The following SLC4A4 variants were observed in gnomAD, a reference collection of about 807,000 sequenced individuals.
SLC4A4 encodes the protein electrogenic sodium bicarbonate cotransporter 1.
Under a neutral mutation model 111.5 loss-of-function variants are expected in SLC4A4, and 27 were observed. That is an observed-to-expected ratio of 0.24 (90% CI 0.18 to 0.33). The LOEUF (loss-of-function observed/expected upper bound fraction) is 0.33. SLC4A4 is among the 10% of genes least tolerant of loss of function. SLC4A4 has a pLI of 1.00. For missense variants in SLC4A4, 909 were observed against 1,315.5 expected, an observed-to-expected ratio of 0.69 and a Z score of 4.78; for synonymous variants, 443 against 463.4, an observed-to-expected ratio of 0.96 and a Z score of 0.57.
At chr4:71,228,815 AT>A (rs1719215684) in intron 1 of SLC4A4, among the ~76,000 whole-genome samples, 1 of 152,200 alleles carries the variant, frequency 6.6e-6, no homozygotes, top group African/African-American at 2.4e-5. Flanking sequence ...ACTTTGCCAG[AT>A]TTTCCCAAGG....
chr4:71,248,959 G>A (rs1249079243), intron 2 of SLC4A4, among the ~76,000 whole-genome samples: 2 of 152,152 alleles, frequency 1.3e-5, no homozygotes, highest in Non-Finnish European at 2.9e-5. Context: ...TCTCCTTTGA[G>A]ACCTTTTATT....
chr4:71,437,731 C>G (rs988909590), intron 7 of SLC4A4: 4 of 317,356 alleles, frequency 1.3e-5, no homozygotes, highest in Admixed American at 3.4e-5. Flanking sequence ...ATGAGCGGCC[C>G]CCTCCAAAGT....
chr4:71,157,084 A>G (rs920861245), intron 2 of SLC4A4, among the ~76,000 whole-genome samples: 4 of 152,288 alleles, frequency 2.6e-5, no homozygotes, highest in African/African-American at 9.6e-5. Context: ...TTATTCCTTA[A>G]TCTGTGAATG....
At position 71,523,462 on chromosome 4, in the gene SLC4A4, A is replaced by G. The variant is rs1733138073; in HGVS notation, c.2167-8600A>G. On this transcript the variant is annotated intron_variant, in intron 16 of 25. Transcript: ENST00000264485. Reference sequence around the variant, plus strand: ...CTTCAGTTCTTACAGACATATGACCAAAAATAAAAACACAGTCGACCTGAA... The same window carrying G: ...CTTCAGTTCTTACAGACATATGACCGAAAATAAAAACACAGTCGACCTGAA... Among the ~76,000 whole-genome samples the G allele has an allele frequency of 4.6e-5, 7 of 152,332 alleles. No homozygotes were observed. In the South Asian group the frequency reaches 1.5e-3, roughly 32 times the overall value.
At chr4:71,108,667 A>G (rs905631344) in intron 2 of SLC4A4, among the ~76,000 whole-genome samples, 1 of 152,008 alleles carries the variant, frequency 6.6e-6, no homozygotes, top group Non-Finnish European at 1.5e-5. Context: ...TTGGATGTTT[A>G]TATTCATATA....
chr4:71,260,099 A>G (rs1012448311), intron 3 of SLC4A4, among the ~76,000 whole-genome samples: 2 of 152,122 alleles, frequency 1.3e-5, no homozygotes, highest in East Asian at 3.9e-4. Flanking sequence ...ATGCTAGTGA[A>G]CATTGTTCTG....
At chr4:71,200,182 G>C (rs1026901427) in intron 1 of SLC4A4, among the ~76,000 whole-genome samples, 29 of 152,178 alleles carry the variant, frequency 1.9e-4, no homozygotes, top group Non-Finnish European at 7.3e-5. Flanking sequence ...TGCAGGGTCT[G>C]TGGAATCAAG....
chr4:71,479,449 A>G (rs1728673296), intron 14 of SLC4A4, among the ~76,000 whole-genome samples: 1 of 151,790 alleles, frequency 6.6e-6, no homozygotes, highest in Non-Finnish European at 1.5e-5. Flanking sequence ...ACAATATGTT[A>G]TAGCCATTCA....
At chr4:71,252,189 A>T (rs1350193985) in intron 2 of SLC4A4, among the ~76,000 whole-genome samples, 1 of 152,198 alleles carries the variant, frequency 6.6e-6, no homozygotes, top group Non-Finnish European at 1.5e-5. Context: ...GATCATGATG[A>T]CAGATATTCT....
intron 1 of SLC4A4, among the ~76,000 whole-genome samples, chr4:71,213,299 A>T (rs532245881): frequency 6.6e-6 from 1 of 152,254 alleles, no homozygotes; most frequent in Admixed American, 6.5e-5. Flanking sequence ...ATAATGCTGG[A>T]TTTTACCTCA....
intron 7 of SLC4A4, among the ~76,000 whole-genome samples, chr4:71,405,976 G>C (rs1014768976): frequency 1.7e-5 from 2 of 121,026 alleles, no homozygotes; most frequent in Non-Finnish European, 3.5e-5. Flanking sequence ...AGATGTTGCT[G>C]TTCCCAGCTC....
chr4:71,133,212 C>A (rs535514395), intron 2 of SLC4A4, among the ~76,000 whole-genome samples: 1 of 152,248 alleles, frequency 6.6e-6, no homozygotes, highest in Non-Finnish European at 1.5e-5. Flanking sequence ...ACATGGGAAC[C>A]ATTAAGACAT....
intron 1 of SLC4A4, among the ~76,000 whole-genome samples, chr4:71,191,134 T>C (rs1226709869): frequency 6.6e-6 from 1 of 152,242 alleles, no homozygotes; most frequent in Non-Finnish European, 1.5e-5. Flanking sequence ...ACATTTAAGG[T>C]AGGTTAGGCT....
At chr4:71,304,538 A>T (rs2148845399) in intron 3 of SLC4A4, among the ~76,000 whole-genome samples, 1 of 152,320 alleles carries the variant, frequency 6.6e-6, no homozygotes, top group Admixed American at 6.5e-5. Context: ...TCAAATGCTG[A>T]TCTCGTTCAG....
chr4:71,237,324 A>G (rs1374135720), intron 2 of SLC4A4, among the ~76,000 whole-genome samples: 1 of 152,154 alleles, frequency 6.6e-6, no homozygotes, highest in Non-Finnish European at 1.5e-5. Flanking sequence ...TATTTATTTG[A>G]TAGAAGGCAA....
At position 71,325,398 on chromosome 4, in the gene SLC4A4, A is replaced by AT. The variant is rs1254101964; in HGVS notation, c.254-13968dup. ...ATTTAGCTCAGATTGCTTTAAAACA[A>AT]TTTTGCTTTTAATTTAAATTGTAAT... is the stretch of plus-strand genomic sequence containing the variant. On this transcript the variant is annotated intron_variant, in intron 3 of 25. Coordinates refer to ENST00000264485, the MANE Select transcript of SLC4A4 (RefSeq NM_001098484.3). Among the ~76,000 whole-genome samples the AT allele has an allele frequency of 1.3e-5, 2 of 151,990 alleles. 1 individual carries two copies. Among genetic ancestry groups the AT allele is most frequent in the Non-Finnish European group, 2.9e-5 (2 of 67,924 alleles).
intron 8 of SLC4A4, among the ~76,000 whole-genome samples, chr4:71,445,069 A>G (rs1725101891): frequency 6.6e-6 from 1 of 152,208 alleles, no homozygotes; most frequent in Non-Finnish European, 1.5e-5. Flanking sequence ...CTACTTTTAT[A>G]TCTGTGTTAC....
chr4:71,091,903 C>T lies in SLC4A4; in HGVS notation c.-64-827C>T, dbSNP rs556137796. Among the ~76,000 whole-genome samples, 23 of 152,238 alleles carry T rather than the reference C, an allele frequency of 1.5e-4. No homozygotes were observed. The South Asian group carries it at 3.9e-3, about 26-fold the overall frequency. On this transcript the variant is annotated intron_variant, in intron 1 of 26. Transcript: ENST00000649996. Reference sequence around the variant, plus strand: ...TTTGTTCTTTTTTACTGCATTTTTTCCTGCATATTAAATCTTTGAGAACTG... The same window carrying T: ...TTTGTTCTTTTTTACTGCATTTTTTTCTGCATATTAAATCTTTGAGAACTG...
chr4:71,302,169 T>C (rs1034075243), intron 3 of SLC4A4, among the ~76,000 whole-genome samples: 3 of 152,174 alleles, frequency 2.0e-5, no homozygotes, highest in Admixed American at 6.5e-5. Flanking sequence ...TTTTTCAGTC[T>C]TAGCAAAGGA....
Sources: allele counts gnomAD v4.1 joint callset (sites outside exome capture counted in the v4.1 genomes callset), GRCh38; gene constraint gnomAD v4.1.1; transcripts MANE v1.5; gene names NCBI Gene and HGNC (gene_info 2026-07-23, HGNC 2026-07-21).